Variants in NDUFA11 observed in about 807,000 individuals in gnomAD.
NDUFA11 encodes the protein NADH:ubiquinone oxidoreductase subunit A11.
In NDUFA11, 14 loss-of-function variants were observed where a neutral mutation model predicts 11.3. The ratio of observed to expected loss-of-function variants is 1.24; its 90% confidence interval spans 0.82 to 1.94. The LOEUF (loss-of-function observed/expected upper bound fraction) is 1.94, where lower values mean the gene tolerates loss of function less well. Among genes scored for constraint, NDUFA11 ranks in the 30% most tolerant of loss-of-function variants. The pLI, the probability that NDUFA11 is intolerant of heterozygous loss-of-function variation, is 0.00. For synonymous variants in NDUFA11, 87 were observed against 85.6 expected (o/e 1.02, Z -0.09); for missense variants, 204 against 200.3 (o/e 1.02, Z -0.11).
In NDUFA11 at chr19:5,896,782, C is replaced by T. The variant is rs558452607; in HGVS notation, c.190+123G>A. Reference sequence around the variant, plus strand: ...TGATAAAGGAACACCCCACTTTCTCCGGATGGCCAGCACTGTGGACACGGG... The same window carrying T: ...TGATAAAGGAACACCCCACTTTCTCTGGATGGCCAGCACTGTGGACACGGG... On this transcript the variant is annotated intron_variant, in intron 2 of 3. Coordinates refer to ENST00000308961, the MANE Select transcript of NDUFA11 (RefSeq NM_175614.5). The surrounding 1 kb of genome is among the most constrained non-coding windows in gnomAD (Gnocchi z 5.8). 8.2e-5 allele frequency: 97 copies of T among 1,187,296 alleles called. No individual in the cohort carries two copies. The highest frequency in any genetic ancestry group is 1.1e-4 in the Non-Finnish European group (91 of 797,700). 73.5% of individuals were successfully genotyped at this position (1,187,296 alleles called of 1,614,324 possible). A position where few individuals can be genotyped will look rare whatever the true frequency, so the allele number is the denominator to read the frequency against.
downstream of NDUFA11, among the ~76,000 whole-genome samples, chr19:5,894,189 C>T (rs1041136314): frequency 9.2e-5 from 14 of 152,232 alleles, no homozygotes; most frequent in East Asian, 5.8e-4. Flanking sequence ...AGTGACCTGC[C>T]GGATGGGGAC....
chr19:5,892,980 C>A, downstream of NDUFA11: 1 of 1,516,092 alleles, frequency 6.6e-7, no homozygotes, highest in Non-Finnish European at 8.8e-7. Flanking sequence ...GGACAGGTGT[C>A]AGGGCCCCTG....
At chr19:5,895,244 G>A (rs1010729650) in intron 3 of NDUFA11, 7 of 250,394 alleles carry the variant, frequency 2.8e-5, no homozygotes, top group Non-Finnish European at 4.0e-5. Flanking sequence ...CATCTGTCCC[G>A]TGGTCTGTGT....
chr19:5,900,408 A>G (rs942328139), intron 1 of NDUFA11, among the ~76,000 whole-genome samples: 1 of 152,138 alleles, frequency 6.6e-6, no homozygotes, highest in African/African-American at 2.4e-5. Flanking sequence ...TCATTCATCC[A>G]TAGTTATCAT....
chr19:5,899,290 C>T (rs532942939), intron 1 of NDUFA11, among the ~76,000 whole-genome samples: 1 of 151,442 alleles, frequency 6.6e-6, no homozygotes, highest in Non-Finnish European at 1.5e-5. Flanking sequence ...GCTGGGACTA[C>T]AGGCGCCCGC....
At chr19:5,903,503 G>A in intron 1 of NDUFA11, 109 bp downstream of exon 1, 1 of 1,053,346 alleles carries the variant, frequency 9.5e-7, no homozygotes, top group Admixed American at 2.2e-5. Flanking sequence ...TGACAACCAC[G>A]TGCGTACCCG....
At chr19:5,892,799 G>T (rs548197457), downstream of NDUFA11, 742 of 1,293,266 alleles carry the variant, frequency 5.7e-4, 4 homozygotes, top group African/African-American at 9.9e-3. Context: ...GATGCCTGCA[G>T]GGAGGTGGAA....
chr19:5,896,153 C>T lies in NDUFA11; in HGVS notation c.313+300G>A. 1.7e-6 allele frequency: 1 copy of T among 590,124 alleles called. No homozygotes were observed. Among genetic ancestry groups the T allele is most frequent in the Non-Finnish European group, 3.0e-6 (1 of 331,902 alleles). 36.6% of individuals were successfully genotyped at this position (590,124 alleles called of 1,614,324 possible). ...GAACAGCATTCCACGCAGTGCACTG[C>T]CCATGCAAAGGCCCTGGGGCAGGAC... On this transcript the variant is annotated intron_variant, in intron 3 of 3. Coordinates refer to ENST00000308961, the MANE Select transcript of NDUFA11 (RefSeq NM_175614.5). The surrounding 1 kb of genome is among the most constrained non-coding windows in gnomAD (Gnocchi z 5.8).
In NDUFA11 at chr19:5,903,714, G is replaced by A. The variant is rs1486574492; in HGVS notation, c.-6C>T. On this transcript the variant is annotated 5_prime_UTR_variant, in exon 1 of 4. Transcript: ENST00000308961. The stretch of plus-strand genomic sequence containing the variant: ...CGAAAAACCTTCGGCGCCATAGCCC[G>A]CAATCTCGATCCCGCACCACGGACC... The A allele has an allele frequency of 1.3e-6, 2 of 1,551,306 alleles. No homozygotes were observed. Among genetic ancestry groups the A allele is most frequent in the East Asian group, 2.4e-5 (1 of 40,920 alleles).
chr19:5,892,802 A>T, downstream of NDUFA11: 1 of 1,292,348 alleles, frequency 7.7e-7, no homozygotes, highest in South Asian at 2.0e-5. Context: ...GCCTGCAGGG[A>T]GGTGGAATCG....
chr19:5,901,297 C>T, intron 1 of NDUFA11: 1 of 1,265,396 alleles, frequency 7.9e-7, no homozygotes, highest in South Asian at 1.3e-5. Flanking sequence ...CTGGGTGGCC[C>T]CCTTCAGCCC....
At chr19:5,895,118 C>G (rs1489339353) in intron 3 of NDUFA11, 1 of 499,056 alleles carries the variant, frequency 2.0e-6, no homozygotes, top group Non-Finnish European at 3.6e-6. Context: ...CTTCCCCCTG[C>G]GAGGACACCG....
chr19:5,896,835 G>A lies in NDUFA11; in HGVS notation c.190+70C>T, dbSNP rs1026630639. On this transcript the variant is annotated intron_variant, in intron 2 of 3. Coordinates refer to ENST00000308961, the MANE Select transcript of NDUFA11 (RefSeq NM_175614.5). The surrounding 1 kb of genome is among the most constrained non-coding windows in gnomAD (Gnocchi z 5.8). ...GGGGAGTCAGAGAGAAGAGGCAGCCGTCAAATGTGCTCTGAGAGCTGGGGC... is the reference window on the plus strand; with the variant it reads ...GGGGAGTCAGAGAGAAGAGGCAGCCATCAAATGTGCTCTGAGAGCTGGGGC... 65 of 1,399,478 alleles carry A rather than the reference G, an allele frequency of 4.6e-5. No homozygotes were observed. In the Admixed American group the frequency reaches 5.5e-4, roughly 12 times the overall value. 86.7% of individuals were successfully genotyped at this position (1,399,478 alleles called of 1,614,324 possible). A position where few individuals can be genotyped will look rare whatever the true frequency, so the allele number is the denominator to read the frequency against.
intron 1 of NDUFA11, among the ~76,000 whole-genome samples, chr19:5,903,229 C>A (rs1205556085): frequency 6.6e-6 from 1 of 151,994 alleles, no homozygotes; most frequent in Non-Finnish European, 1.5e-5. Context: ...CCCTCAGATG[C>A]CCCAATCATG....
chr19:5,892,550 C>T (rs1028911403), downstream of NDUFA11: 27 of 186,584 alleles, frequency 1.4e-4, no homozygotes, highest in African/African-American at 5.4e-4. Flanking sequence ...CATCACTTCC[C>T]GGCTGCGGTG....
At chr19:5,898,063 C>T (rs1455373232) in intron 1 of NDUFA11, among the ~76,000 whole-genome samples, 1 of 152,234 alleles carries the variant, frequency 6.6e-6, no homozygotes, top group Non-Finnish European at 1.5e-5. Flanking sequence ...GGATGGGCCA[C>T]AAGGGCCCTC....
At chr19:5,894,921 T>G in intron 3 of NDUFA11, 67 bp from the exon 4 acceptor site, 1 of 1,508,634 alleles carries the variant, frequency 6.6e-7, no homozygotes, top group Non-Finnish European at 8.9e-7. Context: ...CTCCACGCCC[T>G]GGCCGGTGCC....
At position 5,896,679 on chromosome 19, in the gene NDUFA11, C is replaced by T. The variant is rs2057611871; in HGVS notation, c.191-104G>A. 6.6e-7 allele frequency: 1 copy of T among 1,518,160 alleles called. No homozygotes were observed. Among genetic ancestry groups the T allele is most frequent in the Non-Finnish European group, 8.9e-7 (1 of 1,120,680 alleles). The allele number at this position is 1,518,160 out of a possible 1,614,324, so 94.0% of individuals were successfully genotyped here. A position where few individuals can be genotyped will look rare whatever the true frequency, so the allele number is the denominator to read the frequency against. On this transcript the variant is annotated intron_variant, in intron 2 of 3. Coordinates refer to ENST00000308961, the MANE Select transcript of NDUFA11 (RefSeq NM_175614.5). The surrounding 1 kb of genome is among the most constrained non-coding windows in gnomAD (Gnocchi z 5.8). ...GATGGAGAGAGATGCCACGAGTCGG[C>T]TGCTCGCTGTGCATGGCAGCCTCCT... is the stretch of plus-strand genomic sequence containing the variant.
rs71172780 is a variant in NDUFA11 at position 5,899,451 on chromosome 19, CT to C, written c.98-2455del. Among the ~76,000 whole-genome samples, 614 of 68,792 alleles carry C rather than the reference CT, an allele frequency of 8.9e-3. 3 individuals are homozygous for C. Among genetic ancestry groups the C allele is most frequent in the African/African-American group, 0.026 (449 of 17,304 alleles). 45.1% of individuals were successfully genotyped at this position (68,792 alleles called of 152,430 possible). A position where few individuals can be genotyped will look rare whatever the true frequency, so the allele number is the denominator to read the frequency against. On this transcript the variant is annotated intron_variant, in intron 1 of 3. Coordinates refer to ENST00000308961, the MANE Select transcript of NDUFA11 (RefSeq NM_175614.5). ...AGGCGTGAGCCACCGCGCCCGGACT[CT>C]TTTTTTTTTTTTTTTTTTTTTTGAG...
Sources: allele counts gnomAD v4.1 joint callset (sites outside exome capture counted in the v4.1 genomes callset), GRCh38; gene constraint gnomAD v4.1.1; non-coding constraint Gnocchi (gnomAD v3.1); transcripts MANE v1.5; gene names NCBI Gene and HGNC (gene_info 2026-07-23, HGNC 2026-07-21).